PRKD1: variants seen among roughly 807,000 people sequenced by gnomAD.
PRKD1 encodes protein kinase D1.
A neutral mutation model predicts 95.9 loss-of-function variants in PRKD1; 63 were observed. That is an observed-to-expected ratio of 0.66 (90% confidence interval 0.54 to 0.81). PRKD1 has a LOEUF of 0.81. PRKD1 is among the 30% of genes least tolerant of loss of function. PRKD1 has a pLI of 0.00. For synonymous variants in PRKD1, 425 were observed against 423.1 expected, an observed-to-expected ratio of 1.00 and a Z score of -0.05; for missense variants, 1,048 against 1,165.3, an observed-to-expected ratio of 0.90 and a Z score of 1.47.
intron 1 of PRKD1, among the ~76,000 whole-genome samples, chr14:29,754,301 C>T (rs1324909855): frequency 6.6e-6 from 1 of 152,124 alleles, no homozygotes; most frequent in Non-Finnish European, 1.5e-5. Context: ...TTAGTGTTGT[C>T]CACGCTGTCC....
At chr14:29,869,513 G>A (rs1167311611) in intron 1 of PRKD1, among the ~76,000 whole-genome samples, 3 of 151,030 alleles carry the variant, frequency 2.0e-5, no homozygotes, top group African/African-American at 7.3e-5. Flanking sequence ...GTAAATCTCA[G>A]TAACCAAAAA....
chr14:29,729,897 G>T (rs1488235205), intron 1 of PRKD1, among the ~76,000 whole-genome samples: 2 of 151,912 alleles, frequency 1.3e-5, no homozygotes, highest in African/African-American at 4.8e-5. Context: ...ACTCAAAACA[G>T]ATTACAGACA....
Position 29,927,524 on chromosome 14 carries a change from G to A in PRKD1, c.-12C>T, listed in dbSNP as rs1895354706. Reference sequence around the variant, plus strand: ...GGAGGGGCGCTCATCGCTCGGCGGGGCGCAGGGCCGGGCAGCGGAGGGCGG... The same window carrying A: ...GGAGGGGCGCTCATCGCTCGGCGGGACGCAGGGCCGGGCAGCGGAGGGCGG... On this transcript the variant is annotated 5_prime_UTR_variant, in exon 1 of 18. Transcript: ENST00000331968. 5 of 1,169,586 alleles carry A rather than the reference G, an allele frequency of 4.3e-6. No individual in the cohort carries two copies. The highest frequency in any genetic ancestry group is 5.3e-6 in the Non-Finnish European group (5 of 949,364). 72.5% of individuals were successfully genotyped at this position (1,169,586 alleles called of 1,614,324 possible). A position where few individuals can be genotyped will look rare whatever the true frequency, so the allele number is the denominator to read the frequency against.
chr14:29,824,675 A>T (rs2139276777), intron 1 of PRKD1, among the ~76,000 whole-genome samples: 1 of 152,312 alleles, frequency 6.6e-6, no homozygotes, highest in African/African-American at 2.4e-5. Flanking sequence ...ATTCATACGC[A>T]GGAAATTCAC....
Position 29,632,963 on chromosome 14 carries a change from A to T in PRKD1, c.1315-17T>A, listed in dbSNP as rs765647706. On this transcript the variant is annotated splice_polypyrimidine_tract_variant and intron_variant, in intron 8 of 17. Coordinates refer to ENST00000331968, the MANE Select transcript of PRKD1 (RefSeq NM_002742.3). ...CCGTTTCCGCTGAAACAGAAGTTAG[A>T]TCCAAGATCTTTTTAAAAAACTTTA... The T allele has an allele frequency of 1.9e-6, 3 of 1,601,448 alleles. No homozygotes were observed. The highest frequency in any genetic ancestry group is 2.6e-6 in the Non-Finnish European group (3 of 1,168,706).
chr14:29,896,884 A>G (rs1201294901), intron 1 of PRKD1, among the ~76,000 whole-genome samples: 1 of 152,112 alleles, frequency 6.6e-6, no homozygotes, highest in Non-Finnish European at 1.5e-5. Context: ...GACACAAAGT[A>G]TGAGTGACAA....
At chr14:29,785,765 A>G (rs960669273) in intron 1 of PRKD1, among the ~76,000 whole-genome samples, 4 of 151,910 alleles carry the variant, frequency 2.6e-5, no homozygotes, top group African/African-American at 9.7e-5. Context: ...TGGCACATGT[A>G]TACGTATGTA....
chr14:29,724,061 C>T (rs995077568), intron 2 of PRKD1, among the ~76,000 whole-genome samples: 6 of 152,116 alleles, frequency 3.9e-5, no homozygotes, highest in African/African-American at 1.2e-4. Context: ...CAGGTCAACA[C>T]GAGGGAAGAG....
At chr14:29,675,910 A>C (rs1449935790) in intron 2 of PRKD1, among the ~76,000 whole-genome samples, 2 of 146,960 alleles carry the variant, frequency 1.4e-5, no homozygotes, top group Non-Finnish European at 3.0e-5. Context: ...GTTCTCACTC[A>C]TAGGTGGGAA....
intron 1 of PRKD1, among the ~76,000 whole-genome samples, chr14:29,897,730 AGACT>A (rs1432888020): frequency 1.3e-5 from 2 of 152,166 alleles, no homozygotes; most frequent in Non-Finnish European, 2.9e-5. Flanking sequence ...CATCTATGAA[AGACT>A]GACTTACTCA....
At chr14:29,723,207 T>C (rs988169256) in intron 2 of PRKD1, among the ~76,000 whole-genome samples, 1 of 152,192 alleles carries the variant, frequency 6.6e-6, no homozygotes, top group Non-Finnish European at 1.5e-5. Context: ...ATTATTGCCA[T>C]ACTTAAATGG....
chr14:29,755,807 T>G (rs958848196), intron 1 of PRKD1, among the ~76,000 whole-genome samples: 21 of 152,208 alleles, frequency 1.4e-4, no homozygotes, highest in African/African-American at 4.8e-4. Context: ...AGGCACTGTA[T>G]GCAGTAGCTT....
At chr14:29,891,797 C>T (rs1263650177) in intron 1 of PRKD1, among the ~76,000 whole-genome samples, 1 of 152,058 alleles carries the variant, frequency 6.6e-6, no homozygotes, top group African/African-American at 2.4e-5. Flanking sequence ...GTACTTGAAA[C>T]AAATTCATGG....
chr14:29,711,827 T>C (rs1397267164), intron 2 of PRKD1, among the ~76,000 whole-genome samples: 1 of 152,100 alleles, frequency 6.6e-6, no homozygotes, highest in East Asian at 1.9e-4. Flanking sequence ...TGCTCAACCA[T>C]TACTTTTATT....
chr14:29,904,188 G>A (rs900153354), intron 1 of PRKD1, among the ~76,000 whole-genome samples: 15 of 152,092 alleles, frequency 9.9e-5, no homozygotes, highest in African/African-American at 3.4e-4. Flanking sequence ...GTGTATTTGT[G>A]TTCACTACAA....
At chr14:29,819,846 G>A (rs985791996) in intron 1 of PRKD1, among the ~76,000 whole-genome samples, 1 of 152,144 alleles carries the variant, frequency 6.6e-6, no homozygotes, top group Non-Finnish European at 1.5e-5. Context: ...ATTTCCAGAT[G>A]AAAAGTAAAA....
intron 1 of PRKD1, among the ~76,000 whole-genome samples, chr14:29,759,724 C>T (rs758733633): frequency 3.9e-5 from 6 of 152,110 alleles, no homozygotes; most frequent in Admixed American, 2.0e-4. Context: ...AGTCACGGCA[C>T]GGTGGCAGAA....
chr14:29,700,837 A>T (rs181554581), intron 2 of PRKD1, among the ~76,000 whole-genome samples: 1 of 152,110 alleles, frequency 6.6e-6, no homozygotes, highest in Non-Finnish European at 1.5e-5. Flanking sequence ...TGCAAGATCA[A>T]TTCTTCCCTG....
intron 4 of PRKD1, among the ~76,000 whole-genome samples, chr14:29,643,243 CAAACAT>C (rs917200311): frequency 4.6e-5 from 7 of 151,826 alleles, no homozygotes; most frequent in African/African-American, 1.7e-4. Flanking sequence ...TATATGATGA[CAAACAT>C]AAAGGTATTT....
Sources: allele counts gnomAD v4.1 joint callset (sites outside exome capture counted in the v4.1 genomes callset), GRCh38; gene constraint gnomAD v4.1.1; transcripts MANE v1.5; gene names NCBI Gene and HGNC (gene_info 2026-07-23, HGNC 2026-07-21).